Variants in GPC6 observed in about 807,000 individuals in gnomAD.
GPC6 encodes the protein glypican 6.
Under a neutral mutation model 55.2 loss-of-function variants are expected in GPC6, and 14 were observed. The ratio of observed to expected loss-of-function variants is 0.25; its 90% CI spans 0.17 to 0.40. The LOEUF (loss-of-function observed/expected upper bound fraction) is 0.40, where lower values mean the gene tolerates loss of function less well. Among genes scored for constraint, GPC6 ranks in the 10% least tolerant of loss-of-function variants. The pLI is 1.00. For missense variants in GPC6, 641 were observed against 708.5 expected (o/e 0.90, Z 1.08); for synonymous variants, 278 against 259.6 (o/e 1.07, Z -0.68).
intron 1 of GPC6, among the ~76,000 whole-genome samples, chr13:93,330,387 G>T (rs955660167): frequency 7.2e-5 from 11 of 152,124 alleles, no homozygotes; most frequent in Non-Finnish European, 1.6e-4. Flanking sequence ...GCCATATGTG[G>T]TAGTGTGGTA....
intron 1 of GPC6, among the ~76,000 whole-genome samples, chr13:93,231,908 AT>A (rs1876076128): frequency 6.6e-6 from 1 of 152,158 alleles, no homozygotes; most frequent in South Asian, 2.1e-4. Context: ...GTCTTCATCT[AT>A]TTGATATTAA....
intron 2 of GPC6, among the ~76,000 whole-genome samples, chr13:93,754,200 G>A (rs9524192): frequency 0.67 from 102,040 of 152,104 alleles, 35,170 homozygotes; most frequent in African/African-American, 0.81. Flanking sequence ...TTTCTCCCCA[G>A]TTTTTACCTA....
chr13:93,432,240 T>C (rs1344316417), intron 1 of GPC6, among the ~76,000 whole-genome samples: 1 of 152,172 alleles, frequency 6.6e-6, no homozygotes, highest in East Asian at 1.9e-4. Flanking sequence ...GATTCTACCC[T>C]GTGAACCTGA....
chr13:94,228,677 C>T (rs942538952), intron 4 of GPC6, among the ~76,000 whole-genome samples: 6 of 151,946 alleles, frequency 3.9e-5, no homozygotes, highest in South Asian at 2.1e-4. Context: ...TCACCACACA[C>T]GTACACATAG....
chr13:93,263,887 C>T lies in GPC6; in HGVS notation c.160+36271C>T, dbSNP rs148217415. On this transcript the variant is annotated intron_variant, in intron 1 of 8. Transcript: ENST00000377047. ...TACAGGCACTGAGCATTTTGGTTGACATTGCCACATATTTCTCTCTGTTAG... is the reference window on the plus strand; with the variant it reads ...TACAGGCACTGAGCATTTTGGTTGATATTGCCACATATTTCTCTCTGTTAG... Among the ~76,000 whole-genome samples the T allele has an allele frequency of 4.6e-5, 7 of 152,320 alleles. No homozygotes were observed. In the East Asian group the frequency reaches 1.4e-3, roughly 29 times the overall value.
chr13:93,313,933 T>C (rs1879159815), intron 1 of GPC6, among the ~76,000 whole-genome samples: 1 of 152,198 alleles, frequency 6.6e-6, no homozygotes, highest in African/African-American at 2.4e-5. Flanking sequence ...CAACCTTTTC[T>C]GTATCAGGCA....
chr13:93,919,988 C>T (rs1336887075), intron 3 of GPC6, among the ~76,000 whole-genome samples: 1 of 151,250 alleles, frequency 6.6e-6, no homozygotes, highest in Non-Finnish European at 1.5e-5. Flanking sequence ...GCATTTACAC[C>T]CTCCCTCATC....
At chr13:93,364,004 T>C (rs1330965522) in intron 1 of GPC6, among the ~76,000 whole-genome samples, 1 of 152,142 alleles carries the variant, frequency 6.6e-6, no homozygotes, top group Non-Finnish European at 1.5e-5. Context: ...CTTGTAAATT[T>C]GTTTGAGTTC....
chr13:93,587,166 C>T (rs1358687617), intron 2 of GPC6, among the ~76,000 whole-genome samples: 1 of 151,838 alleles, frequency 6.6e-6, no homozygotes, highest in Non-Finnish European at 1.5e-5. Context: ...CGTTTTTTGT[C>T]ATCTGTAAAA....
chr13:93,481,050 T>G (rs1479551742), intron 1 of GPC6, among the ~76,000 whole-genome samples: 1 of 152,166 alleles, frequency 6.6e-6, no homozygotes, highest in Non-Finnish European at 1.5e-5. Flanking sequence ...CATTTTTCAG[T>G]GCTACTAGCA....
chr13:93,952,779 G>A (rs1467474742), intron 3 of GPC6, among the ~76,000 whole-genome samples: 2 of 148,700 alleles, frequency 1.3e-5, no homozygotes, highest in South Asian at 2.1e-4. Flanking sequence ...AGATGTGGGT[G>A]TGTATATATG....
intron 2 of GPC6, among the ~76,000 whole-genome samples, chr13:93,759,225 C>G (rs1032094807): frequency 6.6e-6 from 1 of 152,100 alleles, no homozygotes; most frequent in Admixed American, 6.5e-5. Flanking sequence ...AAGCTTGCCT[C>G]CCTTTCCAGA....
At chr13:94,149,501 A>C (rs1464653238) in intron 4 of GPC6, among the ~76,000 whole-genome samples, 2 of 152,186 alleles carry the variant, frequency 1.3e-5, no homozygotes, top group Non-Finnish European at 2.9e-5. Flanking sequence ...GCTACAGTCC[A>C]AACCTTGTAG....
chr13:94,288,582 G>GTC (rs58683439), intron 5 of GPC6, among the ~76,000 whole-genome samples: 2 of 148,732 alleles, frequency 1.3e-5, no homozygotes, highest in Non-Finnish European at 3.0e-5. Context: ...CAGCAACATG[G>GTC]TCTCTCTCTC....
chr13:94,395,550 G>T (rs74771904), intron 7 of GPC6, among the ~76,000 whole-genome samples: 2 of 152,108 alleles, frequency 1.3e-5, no homozygotes, highest in Non-Finnish European at 2.9e-5. Flanking sequence ...ATCAAGCATA[G>T]ATTCAATACC....
intron 1 of GPC6, among the ~76,000 whole-genome samples, chr13:93,529,591 C>G (rs1881784548): frequency 6.9e-6 from 1 of 144,170 alleles, no homozygotes; most frequent in Non-Finnish European, 1.5e-5. Context: ...TCTCGGCTCA[C>G]TGCAACCTCC....
At chr13:93,750,537 A>T (rs1884542644) in intron 2 of GPC6, among the ~76,000 whole-genome samples, 1 of 152,210 alleles carries the variant, frequency 6.6e-6, no homozygotes, top group African/African-American at 2.4e-5. Context: ...GATCTGTGGT[A>T]AAATATCTCT....
chr13:93,494,166 T>A (rs1300432699), intron 1 of GPC6, among the ~76,000 whole-genome samples: 1 of 112,766 alleles, frequency 8.9e-6, no homozygotes, highest in African/African-American at 3.4e-5. Flanking sequence ...CTAAGTCTCT[T>A]TGTAGGTCAC....
chr13:94,396,708 T>C (rs1457291153), intron 7 of GPC6, among the ~76,000 whole-genome samples: 1 of 152,216 alleles, frequency 6.6e-6, no homozygotes, highest in Non-Finnish European at 1.5e-5. Context: ...ATGGCTACAG[T>C]GAGTTGACTC....
Sources: allele counts gnomAD v4.1 joint callset (sites outside exome capture counted in the v4.1 genomes callset), GRCh38; gene constraint gnomAD v4.1.1; transcripts MANE v1.5; gene names NCBI Gene and HGNC (gene_info 2026-07-23, HGNC 2026-07-21).